Variants in NEGR1 observed in about 807,000 individuals in gnomAD.
NEGR1 encodes the protein IgLON family member 4.
A neutral mutation model predicts 40.9 loss-of-function variants in NEGR1; 10 were observed. The ratio of observed to expected loss-of-function variants is 0.24; its 90% CI spans 0.15 to 0.42. The LOEUF (loss-of-function observed/expected upper bound fraction) is 0.42. NEGR1 is among the 10% of genes least tolerant of loss of function. The pLI, the probability that NEGR1 is intolerant of heterozygous loss-of-function variation, is 1.00. For synonymous variants in NEGR1, 185 were observed against 166.8 expected, an observed-to-expected ratio of 1.11 and a Z score of -0.84; for missense variants, 352 against 438.9, an observed-to-expected ratio of 0.80 and a Z score of 1.77.
intron 1 of NEGR1, among the ~76,000 whole-genome samples, chr1:72,022,779 T>C (rs1468765292): frequency 1.3e-5 from 2 of 152,132 alleles, no homozygotes; most frequent in African/African-American, 4.8e-5. Context: ...GTTGCCACTA[T>C]TCACAGACGA....
At chr1:71,780,424 T>G (rs1393524798) in intron 2 of NEGR1, among the ~76,000 whole-genome samples, 2 of 152,216 alleles carry the variant, frequency 1.3e-5, no homozygotes, top group Non-Finnish European at 2.9e-5. Flanking sequence ...GTCCTAGATT[T>G]CATACTAAAT....
chr1:71,775,874 T>G (rs180868219), intron 3 of NEGR1, among the ~76,000 whole-genome samples: 2 of 151,670 alleles, frequency 1.3e-5, no homozygotes, highest in African/African-American at 4.8e-5. Context: ...AATCCTGTAA[T>G]CCCAGCTACT....
chr1:71,968,193 TTGCAC>T (rs1251077780), intron 1 of NEGR1, among the ~76,000 whole-genome samples: 21 of 152,202 alleles, frequency 1.4e-4, no homozygotes, highest in African/African-American at 5.1e-4. Context: ...AATGTGCAAA[TTGCAC>T]TGGAAAGAGG....
Position 71,407,331 on chromosome 1 carries a change from C to A in NEGR1, c.*115G>T. On this transcript the variant is annotated 3_prime_UTR_variant, in exon 7 of 7. Coordinates refer to ENST00000357731, the MANE Select transcript of NEGR1 (RefSeq NM_173808.3). ...AGCAATTCTACAGAAGGCGATCATCCCCATGTAAGCACTGCTGATTATATC... is the reference window on the plus strand; with the variant it reads ...AGCAATTCTACAGAAGGCGATCATCACCATGTAAGCACTGCTGATTATATC... 1.2e-6 allele frequency: 1 copy of A among 838,354 alleles called. No homozygotes were observed. Among genetic ancestry groups the A allele is most frequent in the Non-Finnish European group, 1.9e-6 (1 of 529,440 alleles). The allele number at this position is 838,354 out of a possible 1,614,324, so 51.9% of individuals were successfully genotyped here. A position where few individuals can be genotyped will look rare whatever the true frequency, so the allele number is the denominator to read the frequency against.
At chr1:71,418,169 G>T (rs1239300015) in intron 6 of NEGR1, among the ~76,000 whole-genome samples, 1 of 150,802 alleles carries the variant, frequency 6.6e-6, no homozygotes, top group Admixed American at 6.6e-5. Context: ...TAGCAAACTG[G>T]AGAAAAGAAG....
At chr1:72,176,463 T>C (rs1217566681) in intron 1 of NEGR1, among the ~76,000 whole-genome samples, 1 of 151,984 alleles carries the variant, frequency 6.6e-6, no homozygotes, top group African/African-American at 2.4e-5. Flanking sequence ...TGCAAGGTAG[T>C]CGATGAAATA....
At chr1:71,773,184 C>A (rs1421912369) in intron 3 of NEGR1, among the ~76,000 whole-genome samples, 1 of 152,044 alleles carries the variant, frequency 6.6e-6, no homozygotes, top group African/African-American at 2.4e-5. Context: ...ATCCTGTGAC[C>A]AACCACTTAT....
intron 6 of NEGR1, among the ~76,000 whole-genome samples, chr1:71,564,146 G>A (rs368908803): frequency 9.9e-5 from 15 of 152,110 alleles, no homozygotes; most frequent in Admixed American, 8.5e-4. Context: ...CAGCGCAGAT[G>A]TAGTGAATTA....
intron 4 of NEGR1, among the ~76,000 whole-genome samples, chr1:71,646,051 C>T (rs1651519453): frequency 6.6e-6 from 1 of 151,660 alleles, no homozygotes; most frequent in African/African-American, 2.4e-5. Context: ...TGAAAGTTTA[C>T]CATGACAATA....
At chr1:71,498,556 A>C (rs1381679597) in intron 6 of NEGR1, among the ~76,000 whole-genome samples, 2 of 152,160 alleles carry the variant, frequency 1.3e-5, no homozygotes, top group Admixed American at 6.6e-5. Flanking sequence ...CAATTCCTCC[A>C]AATATCAGAA....
chr1:71,617,530 T>C (rs1194154801), intron 4 of NEGR1, among the ~76,000 whole-genome samples: 1 of 152,176 alleles, frequency 6.6e-6, no homozygotes, highest in Admixed American at 6.5e-5. Flanking sequence ...GAAAACTGAA[T>C]TGGTTATTTT....
chr1:72,272,755 G>A (rs572255531), intron 1 of NEGR1, among the ~76,000 whole-genome samples: 1 of 152,046 alleles, frequency 6.6e-6, no homozygotes, highest in East Asian at 1.9e-4. Context: ...GCATGAGCAT[G>A]AGCACTGGAC....
At chr1:71,998,750 T>C (rs552941213) in intron 1 of NEGR1, among the ~76,000 whole-genome samples, 191 of 151,344 alleles carry the variant, frequency 1.3e-3, no homozygotes, top group Middle Eastern at 3.5e-3. Flanking sequence ...CATAAGTATA[T>C]AGTAAATAGT....
chr1:71,982,724 C>G (rs1212495318), intron 1 of NEGR1, among the ~76,000 whole-genome samples: 3 of 152,040 alleles, frequency 2.0e-5, no homozygotes, highest in Non-Finnish European at 2.9e-5. Flanking sequence ...ATAGCAAAAA[C>G]AAAGCAAAAT....
intron 1 of NEGR1, among the ~76,000 whole-genome samples, chr1:72,222,105 A>C (rs1451614566): frequency 6.6e-6 from 1 of 152,092 alleles, no homozygotes; most frequent in Non-Finnish European, 1.5e-5. Flanking sequence ...GAACAGGTCC[A>C]TCCCAGCACC....
chr1:72,109,903 C>T (rs778813592), intron 1 of NEGR1, among the ~76,000 whole-genome samples: 1 of 151,556 alleles, frequency 6.6e-6, no homozygotes, highest in South Asian at 2.1e-4. Flanking sequence ...ATTATTAAAC[C>T]TTCTTACTCA....
chr1:71,501,432 G>C (rs893297091), intron 6 of NEGR1, among the ~76,000 whole-genome samples: 2 of 152,076 alleles, frequency 1.3e-5, no homozygotes, highest in Admixed American at 6.6e-5. Flanking sequence ...ATTGATGATA[G>C]ACCCAAATAT....
At chr1:71,850,336 G>T (rs892785319) in intron 2 of NEGR1, among the ~76,000 whole-genome samples, 4 of 151,786 alleles carry the variant, frequency 2.6e-5, no homozygotes, top group Admixed American at 6.6e-5. Context: ...TTATATTTTT[G>T]TTAGAGATGG....
chr1:71,760,017 T>C (rs1034406351), intron 3 of NEGR1, among the ~76,000 whole-genome samples: 1 of 152,162 alleles, frequency 6.6e-6, no homozygotes, highest in African/African-American at 2.4e-5. Flanking sequence ...GGAAAGACTC[T>C]TGAAAAAATC....
Sources: allele counts gnomAD v4.1 joint callset (sites outside exome capture counted in the v4.1 genomes callset), GRCh38; gene constraint gnomAD v4.1.1; transcripts MANE v1.5; gene names NCBI Gene and HGNC (gene_info 2026-07-23, HGNC 2026-07-21).